The following DNAI7 variants were observed in gnomAD, a reference collection of about 807,000 sequenced individuals.
DNAI7 encodes cancer susceptibility 1.
A neutral mutation model predicts 86.6 loss-of-function variants in DNAI7; 78 were observed. The observed-to-expected ratio is 0.90, with a 90% CI of 0.75 to 1.09. The LOEUF is 1.09. Ranked by LOEUF, DNAI7 falls within the 50% of genes least tolerant of loss-of-function variation. DNAI7 has a pLI of 0.00. For missense variants in DNAI7, 753 were observed against 810.2 expected, an observed-to-expected ratio of 0.93 and a Z score of 0.86; for synonymous variants, 274 against 273.0, an observed-to-expected ratio of 1.00 and a Z score of -0.04.
chr12:25,119,384 T>C, intron 11 of DNAI7, 83 bp from the exon 12 acceptor site: 1 of 772,160 alleles, frequency 1.3e-6, no homozygotes, highest in Non-Finnish European at 2.0e-6. Flanking sequence ...AGTTATATAG[T>C]TATTTTTAAT....
intron 7 of DNAI7, among the ~76,000 whole-genome samples, chr12:25,148,850 G>C (rs998252254): frequency 6.6e-6 from 1 of 152,146 alleles, no homozygotes; most frequent in Non-Finnish European, 1.5e-5. Context: ...AGCACAGTAA[G>C]ATAATCCAGC....
In DNAI7 at chr12:25,158,516, T is replaced by C; in HGVS notation, c.154A>G (p.Ile52Val). ...YEKEEMERLE[I>V]QRIEKEKWHR... The stretch of plus-strand genomic sequence containing the variant: ...CATTTTTCTTTCTCAATTCGCTGTA[T>C]TTCAAGCCTTTCCATTTCTTCTTTC... Residue 52 changes from isoleucine to valine, a missense_variant, in exon 4 of 16, where the codon ATA becomes GTA. Transcript: ENST00000395987. The C allele has an allele frequency of 6.2e-7, 1 of 1,613,276 alleles. No homozygotes were observed. Among genetic ancestry groups the C allele is most frequent in the Non-Finnish European group, 8.5e-7 (1 of 1,179,768 alleles).
Position 25,149,731 on chromosome 12 carries a change from C to T in DNAI7, c.482G>A (p.Cys161Tyr), listed in dbSNP as rs776669114. The T allele has an allele frequency of 3.2e-6, 5 of 1,550,724 alleles. No homozygotes were observed. The highest frequency in any genetic ancestry group is 1.7e-5 in the Admixed American group (1 of 59,090). ...TATTATATTTTTATCTTGCAAATCA[C>T]ATGGTGGAGTTTCCAGTAAAATAAA... ...LKFILLETPPCDLQDKNIIQY... is the reference protein window; with the variant it reads ...LKFILLETPPYDLQDKNIIQY... The change falls in exon 7 of 16, where the codon TGT (cysteine) becomes TAT (tyrosine). Residue 161 changes from cysteine to tyrosine, a missense_variant. Cys to Tyr is a radical substitution (Grantham distance 194). Transcript: ENST00000395987.
At chr12:25,144,714 C>A (rs1565715671) in intron 8 of DNAI7, 37 bp from the exon 9 acceptor site, 1 of 1,493,834 alleles carries the variant, frequency 6.7e-7, no homozygotes, top group East Asian at 2.3e-5. Context: ...AAGATGAGAC[C>A]CTAGGAAACT....
intron 2 of DNAI7, among the ~76,000 whole-genome samples, chr12:25,183,255 G>A (rs1364694869): frequency 6.6e-6 from 1 of 151,896 alleles, no homozygotes; most frequent in Non-Finnish European, 1.5e-5. Flanking sequence ...GGGGACAAGG[G>A]TTGAAAAACT....
In DNAI7 at chr12:25,173,656, G is replaced by T. The variant is rs898276167; in HGVS notation, c.22-12459C>A. On this transcript the variant is annotated intron_variant, in intron 2 of 15. Transcript: ENST00000395987. ...TCAAAAAAGACACTTGCACACACAT[G>T]TTTATAGCAGCACAATTCACAATTG... Among the ~76,000 whole-genome samples, 8 of 151,854 alleles carry T rather than the reference G, an allele frequency of 5.3e-5. No homozygotes were observed. The South Asian group carries it at 8.3e-4, about 16-fold the overall frequency.
At chr12:25,191,330 CG>C (rs1259326268) in intron 1 of DNAI7, among the ~76,000 whole-genome samples, 1 of 151,268 alleles carries the variant, frequency 6.6e-6, no homozygotes, top group African/African-American at 2.4e-5. Flanking sequence ...CACTTGAGCC[CG>C]GGAGGTCAAG....
At chr12:25,151,728 C>T (rs1019201244) in intron 6 of DNAI7, among the ~76,000 whole-genome samples, 4 of 152,176 alleles carry the variant, frequency 2.6e-5, no homozygotes, top group Non-Finnish European at 5.9e-5. Context: ...TCAGACTGCA[C>T]GGGAGACTCC....
chr12:25,166,864 T>C (rs1039277468), intron 2 of DNAI7, among the ~76,000 whole-genome samples: 1 of 152,174 alleles, frequency 6.6e-6, no homozygotes, highest in Non-Finnish European at 1.5e-5. Flanking sequence ...TCTACAGTTC[T>C]CATAACTTCC....
At chr12:25,181,924 T>C (rs73071270) in intron 2 of DNAI7, among the ~76,000 whole-genome samples, 15,301 of 152,186 alleles carry the variant, frequency 0.1, 1,132 homozygotes, top group Non-Finnish European at 0.14. Context: ...GAATGTAAAT[T>C]AGTTCAACCC....
intron 2 of DNAI7, among the ~76,000 whole-genome samples, chr12:25,168,586 GA>G: frequency 1.3e-5 from 2 of 152,140 alleles, no homozygotes; most frequent in East Asian, 3.8e-4. Flanking sequence ...CCGAGGCCTT[GA>G]CTTACTCACT....
chr12:25,137,455 T>C (rs1013894569), intron 9 of DNAI7, among the ~76,000 whole-genome samples: 2 of 152,096 alleles, frequency 1.3e-5, no homozygotes, highest in African/African-American at 2.4e-5. Flanking sequence ...ACAGGGCCTA[T>C]AAAACAATAA....
intron 9 of DNAI7, among the ~76,000 whole-genome samples, chr12:25,124,461 G>A (rs1320322287): frequency 6.6e-6 from 1 of 152,014 alleles, no homozygotes; most frequent in Non-Finnish European, 1.5e-5. Flanking sequence ...TATTAGGGAA[G>A]CAAGTAAACA....
chr12:25,184,583 G>GT (rs1430126386), intron 2 of DNAI7, among the ~76,000 whole-genome samples: 1 of 152,190 alleles, frequency 6.6e-6, no homozygotes, highest in South Asian at 2.1e-4. Context: ...AAACCCACAT[G>GT]TTTTTTATTA....
chr12:25,144,280 A>T, intron 9 of DNAI7, 85 bp downstream of exon 9: 1 of 1,157,004 alleles, frequency 8.6e-7, no homozygotes, highest in Non-Finnish European at 1.2e-6. Context: ...CCAGTTGTTT[A>T]GGAAAAATCT....
At chr12:25,165,835 G>A (rs1211440716) in intron 2 of DNAI7, among the ~76,000 whole-genome samples, 1 of 152,034 alleles carries the variant, frequency 6.6e-6, no homozygotes, top group African/African-American at 2.4e-5. Context: ...CCCCAACTCT[G>A]GTGCTAATTT....
At chr12:25,160,458 C>CACCTGCTCCACCCTAACTCATTCCGATT (rs1946716463) in intron 3 of DNAI7, among the ~76,000 whole-genome samples, 1 of 152,206 alleles carries the variant, frequency 6.6e-6, no homozygotes, top group African/African-American at 2.4e-5. Context: ...TCATTCTGAT[C>CACCTGCTCCACCCTAACTCATTCCGATT]ACCTGCTCCA....
At chr12:25,173,934 A>AATCATATATACGGAATACATAT (rs1555180965) in intron 2 of DNAI7, among the ~76,000 whole-genome samples, 4 of 143,192 alleles carry the variant, frequency 2.8e-5, no homozygotes, top group Non-Finnish European at 6.0e-5. Context: ...TATCATATAT[A>AATCATATATACGGAATACATAT]ATCATATATA....
chr12:25,149,509 T>C lies in DNAI7; in HGVS notation c.585+119A>G, dbSNP rs182942551. 142 of 696,398 alleles carry C rather than the reference T, an allele frequency of 2.0e-4. No individual in the cohort carries two copies. The African/African-American group carries it at 2.5e-3, about 12-fold the overall frequency. The allele number at this position is 696,398 out of a possible 1,614,324, so 43.1% of individuals were successfully genotyped here. On this transcript the variant is annotated intron_variant, in intron 7 of 15. Coordinates refer to ENST00000395987, the MANE Select transcript of DNAI7 (RefSeq NM_018272.5). ...CTGGATAAATATATGTACTCTAAAT[T>C]ATTCTGCTAACTTTTCCATAATCTC...
Sources: allele counts gnomAD v4.1 joint callset (sites outside exome capture counted in the v4.1 genomes callset), GRCh38; gene constraint gnomAD v4.1.1; transcripts MANE v1.5; gene names NCBI Gene and HGNC (gene_info 2026-07-23, HGNC 2026-07-21).